TMEM178B: variants seen among roughly 807,000 people sequenced by gnomAD.
The protein encoded by TMEM178B is transmembrane protein 178B.
In TMEM178B, 5 loss-of-function variants were observed where a neutral mutation model predicts 31.0. That is an observed-to-expected ratio of 0.16 (90% CI 0.08 to 0.34). The LOEUF is 0.34. TMEM178B is among the 10% of genes least tolerant of loss of function. The probability of loss-of-function intolerance (pLI) is 1.00; values close to 1 mark genes in which losing one functional copy is unlikely to be tolerated. For missense variants in TMEM178B, 275 were observed against 400.3 expected (o/e 0.69, Z 2.67); for synonymous variants, 164 against 164.0 (o/e 1.00, Z 0.00).
intron 2 of TMEM178B, among the ~76,000 whole-genome samples, chr7:141,326,178 C>T (rs1485155630): frequency 6.6e-6 from 1 of 152,184 alleles, no homozygotes; most frequent in Non-Finnish European, 1.5e-5. Context: ...TTTTTAATTA[C>T]ATGTTAACAA....
chr7:141,250,332 G>A (rs956362198), intron 2 of TMEM178B, among the ~76,000 whole-genome samples: 1 of 152,186 alleles, frequency 6.6e-6, no homozygotes, highest in South Asian at 2.1e-4. Flanking sequence ...CTTTATAGAT[G>A]AGAAAATTGA....
chr7:141,139,059 G>C (rs1179875531), intron 1 of TMEM178B, among the ~76,000 whole-genome samples: 1 of 151,934 alleles, frequency 6.6e-6, no homozygotes, highest in East Asian at 1.9e-4. Flanking sequence ...TGACTTACAT[G>C]TTTTCAGGAG....
chr7:141,118,791 A>C (rs993215721), intron 1 of TMEM178B, among the ~76,000 whole-genome samples: 1 of 152,244 alleles, frequency 6.6e-6, no homozygotes, highest in Non-Finnish European at 1.5e-5. Context: ...CAAAGAAGAA[A>C]GGGTACTGAA....
At chr7:141,209,935 G>A (rs764314943) in intron 1 of TMEM178B, among the ~76,000 whole-genome samples, 7 of 152,180 alleles carry the variant, frequency 4.6e-5, no homozygotes, top group Non-Finnish European at 1.0e-4. Flanking sequence ...CCTGAAGGGA[G>A]CTGGGACTTT....
At chr7:141,331,681 G>A (rs372475472) in intron 2 of TMEM178B, among the ~76,000 whole-genome samples, 1 of 152,140 alleles carries the variant, frequency 6.6e-6, no homozygotes, top group East Asian at 1.9e-4. Flanking sequence ...AAATGGGGAG[G>A]GGTAGTTGGA....
At chr7:141,308,068 G>T (rs1798843999) in intron 2 of TMEM178B, among the ~76,000 whole-genome samples, 1 of 152,212 alleles carries the variant, frequency 6.6e-6, no homozygotes, top group South Asian at 2.1e-4. Flanking sequence ...CTGTGGTAGA[G>T]ATTTGATTTG....
intron 2 of TMEM178B, among the ~76,000 whole-genome samples, chr7:141,260,562 A>G (rs115716552): frequency 0.024 from 3,639 of 152,076 alleles, 97 homozygotes; most frequent in African/African-American, 0.063. Flanking sequence ...TCATCTCCCT[A>G]CCTCATCCTT....
At chr7:141,141,304 A>G (rs555112842) in intron 1 of TMEM178B, among the ~76,000 whole-genome samples, 1 of 148,962 alleles carries the variant, frequency 6.7e-6, no homozygotes, top group African/African-American at 2.5e-5. Context: ...TCATCTTCTT[A>G]CTTTCTGGCA....
At chr7:141,208,055 TG>T (rs1796993833) in intron 1 of TMEM178B, among the ~76,000 whole-genome samples, 2 of 151,956 alleles carry the variant, frequency 1.3e-5, no homozygotes, top group African/African-American at 4.8e-5. Context: ...TAACTGGACA[TG>T]GTGGCATGTG....
chr7:141,501,368 A>T, the TMEM178B span, among the ~76,000 whole-genome samples: 1 of 151,614 alleles, frequency 6.6e-6, no homozygotes, highest in Non-Finnish European at 1.5e-5. Flanking sequence ...TACTACCACC[A>T]AGAACCTCCT....
intron 2 of TMEM178B, among the ~76,000 whole-genome samples, chr7:141,428,368 CA>C (rs1491261666): frequency 2.7e-4 from 7 of 25,616 alleles, no homozygotes; most frequent in Non-Finnish European, 3.9e-4. Flanking sequence ...GACTCCACCT[CA>C]AAAAAAAAAA....
chr7:141,413,220 T>A (rs1205865751), intron 2 of TMEM178B, among the ~76,000 whole-genome samples: 1 of 152,264 alleles, frequency 6.6e-6, no homozygotes, highest in Non-Finnish European at 1.5e-5. Context: ...GTTTAGGGTA[T>A]CTGCGTTTCC....
At chr7:141,370,788 A>G (rs1324887870) in intron 2 of TMEM178B, among the ~76,000 whole-genome samples, 1 of 152,256 alleles carries the variant, frequency 6.6e-6, no homozygotes, top group African/African-American at 2.4e-5. Flanking sequence ...CTCTTTGCAC[A>G]TGGCAAATGC....
At chr7:141,165,250 T>C (rs1796243866) in intron 1 of TMEM178B, among the ~76,000 whole-genome samples, 1 of 152,184 alleles carries the variant, frequency 6.6e-6, no homozygotes, top group African/African-American at 2.4e-5. Context: ...TATATCTTCT[T>C]AGTCTCCTTC....
chr7:141,110,104 A>AT (rs1795210680), intron 1 of TMEM178B, among the ~76,000 whole-genome samples: 1 of 152,202 alleles, frequency 6.6e-6, no homozygotes, highest in Admixed American at 6.5e-5. Flanking sequence ...TAATGATTGG[A>AT]TTTTAGCAGC....
At chr7:141,272,369 C>G (rs1371658389) in intron 2 of TMEM178B, among the ~76,000 whole-genome samples, 1 of 152,218 alleles carries the variant, frequency 6.6e-6, no homozygotes, top group Non-Finnish European at 1.5e-5. Flanking sequence ...TAGCATAATT[C>G]ACTTTTCCAA....
chr7:141,105,699 T>C (rs1795133008), intron 1 of TMEM178B, among the ~76,000 whole-genome samples: 1 of 152,232 alleles, frequency 6.6e-6, no homozygotes, highest in South Asian at 2.1e-4. Context: ...TAAATAGCTC[T>C]AGAACAAAGT....
chr7:141,323,399 G>T (rs550083242), intron 2 of TMEM178B, among the ~76,000 whole-genome samples: 84 of 152,144 alleles, frequency 5.5e-4, no homozygotes, highest in African/African-American at 2.0e-3. Context: ...TTTACACTGG[G>T]GTGACATACC....
At chr7:141,441,600 G>C (rs916206311) in intron 3 of TMEM178B, among the ~76,000 whole-genome samples, 5 of 152,290 alleles carry the variant, frequency 3.3e-5, no homozygotes, top group African/African-American at 1.2e-4. Flanking sequence ...CCTGGAGCTG[G>C]CCAGGCCTGG....
Sources: gnomAD v4.1 joint callset for allele counts (sites outside exome capture counted in the v4.1 genomes callset) on GRCh38, gnomAD v4.1.1 for gene constraint, MANE v1.5 for transcripts, NCBI Gene and HGNC (gene_info 2026-07-23, HGNC 2026-07-21) for gene names.